TXLNG: variants seen among roughly 807,000 people sequenced by gnomAD.
TXLNG encodes the protein taxilin gamma, also known as gamma-taxilin.
Under a neutral mutation model 38.8 loss-of-function variants are expected in TXLNG, and 5 were observed. The ratio of observed to expected loss-of-function variants is 0.13; its 90% CI spans 0.07 to 0.27. The LOEUF (loss-of-function observed/expected upper bound fraction) is 0.27, where lower values mean the gene tolerates loss of function less well. TXLNG is among the 10% of genes least tolerant of loss of function. TXLNG has a pLI of 1.00. For synonymous variants in TXLNG, 182 were observed against 158.2 expected (o/e 1.15, Z -1.13); for missense variants, 393 against 398.2 (o/e 0.99, Z 0.11).
At chrX:16,803,348 C>G (rs1430740828) in intron 1 of TXLNG, 1 of 107,719 alleles carries the variant, frequency 9.3e-6, no homozygotes, top group Non-Finnish European at 1.9e-5. Flanking sequence ...AGTGCAATAC[C>G]CAGCTATTTT....
chrX:16,827,924 GAGAGA>G lies in TXLNG; in HGVS notation c.499-162_499-158del, dbSNP rs773492665. The stretch of plus-strand genomic sequence containing the variant: ...TACTTTTTTGTCACAACTGGAAGAG[GAGAGA>G]AGAGAAGGGTGGCAGTGTAGCATGG... On this transcript the variant is annotated intron_variant, in intron 3 of 9. Coordinates refer to ENST00000380122, the MANE Select transcript of TXLNG (RefSeq NM_018360.3). 3.1e-4 allele frequency among the ~76,000 whole-genome samples: 35 copies of G among 112,031 alleles called. 1 individual carries two copies. The South Asian group carries it at 3.7e-3, about 12-fold the overall frequency.
intron 1 of TXLNG, among the ~76,000 whole-genome samples, chrX:16,787,133 TC>T (rs1927520858): frequency 1.8e-5 from 2 of 111,282 alleles, no homozygotes; most frequent in African/African-American, 6.5e-5. Context: ...TGGCCCCCCT[TC>T]CCCCGCCCCC....
chrX:16,790,675 T>C (rs1397442228), intron 1 of TXLNG, among the ~76,000 whole-genome samples: 2 of 112,156 alleles, frequency 1.8e-5, no homozygotes, highest in Admixed American at 9.5e-5. Context: ...AGGCCCAAAT[T>C]AACAAAATCT....
chrX:16,824,031 T>G (rs1012230267), intron 3 of TXLNG, among the ~76,000 whole-genome samples: 3 of 111,627 alleles, frequency 2.7e-5, no homozygotes, highest in African/African-American at 9.8e-5. Flanking sequence ...TGTAGATACA[T>G]TTGGGGGAGA....
intron 8 of TXLNG, chrX:16,839,472 C>T (rs780506657): frequency 1.6e-5 from 2 of 125,870 alleles, no homozygotes; most frequent in East Asian, 4.5e-4. Flanking sequence ...GCTTGTCTCT[C>T]GCTACCCGGA....
At chrX:16,797,936 A>C (rs1032427338) in intron 1 of TXLNG, among the ~76,000 whole-genome samples, 2 of 112,937 alleles carry the variant, frequency 1.8e-5, no homozygotes, top group African/African-American at 6.4e-5. Flanking sequence ...TGAATGGCTT[A>C]ATAGAAGACA....
At chrX:16,803,140 A>G (rs1928176201) in intron 1 of TXLNG, 1 of 110,917 alleles carries the variant, frequency 9.0e-6, no homozygotes, top group African/African-American at 3.3e-5. Flanking sequence ...TGGTTGTCCC[A>G]AATTGGGGTT....
At chrX:16,823,196 G>C (rs1929038475) in intron 3 of TXLNG, among the ~76,000 whole-genome samples, 1 of 110,665 alleles carries the variant, frequency 9.0e-6, no homozygotes, top group Admixed American at 9.7e-5. Context: ...ATATAGGCCG[G>C]GCGTATAATC....
chrX:16,786,747 G>A (rs1441896546), intron 1 of TXLNG, among the ~76,000 whole-genome samples, 158 bp downstream of exon 1: 8 of 109,413 alleles, frequency 7.3e-5, no homozygotes, highest in African/African-American at 2.3e-4. Flanking sequence ...GAGCAGGTGG[G>A]GGGGGGTGGG....
chrX:16,793,282 T>C (rs1927766653), intron 1 of TXLNG, among the ~76,000 whole-genome samples: 1 of 111,295 alleles, frequency 9.0e-6, no homozygotes, highest in African/African-American at 3.3e-5. Flanking sequence ...CACTTATAAA[T>C]ACTTACATTT....
intron 3 of TXLNG, among the ~76,000 whole-genome samples, chrX:16,827,041 C>A (rs927257508): frequency 7.4e-5 from 8 of 108,431 alleles, no homozygotes; most frequent in Admixed American, 2.0e-4. Flanking sequence ...CCAGTCTGGC[C>A]AACATAGGGA....
chrX:16,787,616 G>C (rs1033090366), intron 1 of TXLNG, among the ~76,000 whole-genome samples: 2 of 110,739 alleles, frequency 1.8e-5, no homozygotes, highest in African/African-American at 3.3e-5. Flanking sequence ...GTTTGAAAAA[G>C]ATTGCACAAC....
chrX:16,813,813 G>A (rs1174418408), intron 1 of TXLNG, among the ~76,000 whole-genome samples: 2 of 110,883 alleles, frequency 1.8e-5, no homozygotes, highest in African/African-American at 3.3e-5. Flanking sequence ...TTGGCCGGGC[G>A]CCGTGGCTCA....
At chrX:16,832,876 C>A in intron 6 of TXLNG, 134 bp downstream of exon 6, 2 of 799,086 alleles carry the variant, frequency 2.5e-6, no homozygotes, top group Non-Finnish European at 3.5e-6. Context: ...TGGGGGCATG[C>A]CAGCTGGTGT....
chrX:16,812,364 T>C (rs749906821), intron 1 of TXLNG, among the ~76,000 whole-genome samples: 5 of 106,216 alleles, frequency 4.7e-5, no homozygotes, highest in East Asian at 6.1e-4. Flanking sequence ...TAAATCTCCT[T>C]ATGATGTTTT....
chrX:16,843,783 C>T lies in TXLNG; in HGVS notation c.*2017C>T, dbSNP rs775174386. ...ACAGTACTTGGCCTGCTGCTTTTGG[C>T]TTACTTTGTATTTTTAGCTAGATGC... is the stretch of plus-strand genomic sequence containing the variant. On this transcript the variant is annotated 3_prime_UTR_variant, in exon 10 of 10. Transcript: ENST00000380122. The T allele has an allele frequency of 8.9e-6, 1 of 111,919 alleles. No individual in the cohort carries two copies. The highest frequency in any genetic ancestry group is 9.5e-5 in the Admixed American group (1 of 10,531). The allele number at this position is 111,919 out of a possible 1,213,427, so 9.2% of individuals were successfully genotyped here. A position where few individuals can be genotyped will look rare whatever the true frequency, so the allele number is the denominator to read the frequency against.
rs545055619 is a variant in TXLNG at position 16,843,641 on chromosome X, A to G, written c.*1875A>G. The G allele has an allele frequency of 4.5e-5, 5 of 111,998 alleles. No homozygotes were observed. The East Asian group carries it at 1.1e-3, about 25-fold the overall frequency. 9.2% of individuals were successfully genotyped at this position (111,998 alleles called of 1,213,427 possible). On this transcript the variant is annotated 3_prime_UTR_variant, in exon 10 of 10. Coordinates refer to ENST00000380122, the MANE Select transcript of TXLNG (RefSeq NM_018360.3). ...CTCTGCTGGATGTACAGCTCTTAACATTTTATTAAGCCATTTGTGTAGCCC... is the reference window on the plus strand; with the variant it reads ...CTCTGCTGGATGTACAGCTCTTAACGTTTTATTAAGCCATTTGTGTAGCCC...
intron 1 of TXLNG, among the ~76,000 whole-genome samples, chrX:16,816,629 G>A (rs1490277123): frequency 8.9e-6 from 1 of 112,176 alleles, no homozygotes; most frequent in African/African-American, 3.2e-5. Context: ...GGCTTAGAGT[G>A]TGGCATCAAA....
At chrX:16,790,944 T>C (rs1287460121) in intron 1 of TXLNG, among the ~76,000 whole-genome samples, 1 of 111,987 alleles carries the variant, frequency 8.9e-6, no homozygotes, top group East Asian at 2.8e-4. Flanking sequence ...GACTCCTGGC[T>C]TTCTGCCGCC....
Sources: gnomAD v4.1 joint callset for allele counts (sites outside exome capture counted in the v4.1 genomes callset) on GRCh38, gnomAD v4.1.1 for gene constraint, MANE v1.5 for transcripts, NCBI Gene and HGNC (gene_info 2026-07-23, HGNC 2026-07-21) for gene names.